The following ANO1 variants were observed in gnomAD, a reference collection of about 807,000 sequenced individuals.
The protein encoded by ANO1 is anoctamin-1.
Under a neutral mutation model 124.0 loss-of-function variants are expected in ANO1, and 59 were observed. The observed-to-expected ratio is 0.48, with a 90% confidence interval of 0.39 to 0.59. The LOEUF (loss-of-function observed/expected upper bound fraction) is 0.59, where lower values mean the gene tolerates loss of function less well. Ranked by LOEUF, ANO1 falls within the 20% of genes least tolerant of loss-of-function variation. The pLI, the probability that ANO1 is intolerant of heterozygous loss-of-function variation, is 0.00. For synonymous variants in ANO1, 529 were observed against 532.0 expected, an observed-to-expected ratio of 0.99 and a Z score of 0.08; for missense variants, 1,059 against 1,328.0, an observed-to-expected ratio of 0.80 and a Z score of 3.15.
chr11:70,165,679 G>T, intron 20 of ANO1, 109 bp downstream of exon 20: 1 of 844,808 alleles, frequency 1.2e-6, no homozygotes, highest in East Asian at 2.7e-5. Flanking sequence ...CCAAGATGGG[G>T]GCACTAGAAG....
chr11:70,185,736 G>A, intron 25 of ANO1, 41 bp downstream of exon 25: 1 of 1,590,792 alleles, frequency 6.3e-7, no homozygotes, highest in South Asian at 1.1e-5. Context: ...GAAGATGGGA[G>A]CATTTAGGGA....
chr11:70,146,663 T>C (rs2047390536), intron 11 of ANO1, among the ~76,000 whole-genome samples: 1 of 152,136 alleles, frequency 6.6e-6, no homozygotes, highest in Non-Finnish European at 1.5e-5. Context: ...GGGAAATCAG[T>C]AGTGGATCAG....
At chr11:70,010,369 T>C (rs1389392960) in intron 1 of ANO1, among the ~76,000 whole-genome samples, 1 of 151,608 alleles carries the variant, frequency 6.6e-6, no homozygotes, top group Non-Finnish European at 1.5e-5. Context: ...GTACTGGCTC[T>C]TTTTAACAAC....
intron 24 of ANO1, among the ~76,000 whole-genome samples, chr11:70,184,853 C>T (rs868472600): frequency 5.3e-5 from 8 of 152,126 alleles, no homozygotes; most frequent in African/African-American, 1.9e-4. Context: ...CTCAGGTGAT[C>T]CTCCCACCTC....
In ANO1 at chr11:70,007,609, T is replaced by C. The variant is rs142943816; in HGVS notation, c.58+21443T>C. On this transcript the variant is annotated intron_variant, in intron 1 of 27. Coordinates refer to the ANO1 transcript ENST00000531349. Reference sequence around the variant, plus strand: ...CCTTTCTTTTTAAGGCTTAACAATATCTCATTGTATGGTAGACCACATTTT... The same window carrying C: ...CCTTTCTTTTTAAGGCTTAACAATACCTCATTGTATGGTAGACCACATTTT... Among the ~76,000 whole-genome samples the C allele has an allele frequency of 7.6e-4, 116 of 152,246 alleles. 1 individual carries two copies. In the East Asian group the frequency reaches 0.021, roughly 27 times the overall value.
chr11:70,117,241 T>C (rs575939692), intron 8 of ANO1, among the ~76,000 whole-genome samples: 1 of 152,006 alleles, frequency 6.6e-6, no homozygotes, highest in Non-Finnish European at 1.5e-5. Flanking sequence ...CAGATGATTT[T>C]TGTATTTTTA....
chr11:70,071,511 C>A (rs1374119180), intron 1 of ANO1, among the ~76,000 whole-genome samples: 1 of 152,188 alleles, frequency 6.6e-6, no homozygotes, highest in Non-Finnish European at 1.5e-5. Context: ...ACTTTGAGCC[C>A]TAGAAACGTG....
intron 1 of ANO1, among the ~76,000 whole-genome samples, chr11:70,062,868 A>G (rs1857623043): frequency 6.6e-6 from 1 of 152,220 alleles, no homozygotes; most frequent in African/African-American, 2.4e-5. Flanking sequence ...TCCCTGGGGC[A>G]CGAAACTGCC....
At chr11:70,112,013 A>G (rs2045803072) in intron 7 of ANO1, among the ~76,000 whole-genome samples, 2 of 152,104 alleles carry the variant, frequency 1.3e-5, no homozygotes, top group African/African-American at 4.8e-5. Flanking sequence ...TCCTGCCTCG[A>G]CTTCCTCTGA....
At chr11:70,132,276 G>A (rs905358695) in intron 11 of ANO1, among the ~76,000 whole-genome samples, 197 bp downstream of exon 11, 13 of 152,142 alleles carry the variant, frequency 8.5e-5, no homozygotes, top group Non-Finnish European at 1.8e-4. Flanking sequence ...GAGAGACACG[G>A]GTTCTCCTGA....
At chr11:70,130,655 C>T (rs1201649901) in intron 10 of ANO1, among the ~76,000 whole-genome samples, 2 of 152,214 alleles carry the variant, frequency 1.3e-5, no homozygotes, top group Non-Finnish European at 2.9e-5. Context: ...AGAGATGAGT[C>T]TCAGGCATCA....
intron 19 of ANO1, among the ~76,000 whole-genome samples, chr11:70,164,495 A>T (rs1024169146): frequency 1.3e-5 from 2 of 152,202 alleles, no homozygotes; most frequent in African/African-American, 4.8e-5. Context: ...CCGGGTCAGA[A>T]AGTCATATAA....
At chr11:70,019,445 G>A (rs1856762649) in intron 1 of ANO1, among the ~76,000 whole-genome samples, 3 of 152,172 alleles carry the variant, frequency 2.0e-5, no homozygotes. Context: ...TCGAGAGGGT[G>A]CCGCAGGAAA....
intron 1 of ANO1, among the ~76,000 whole-genome samples, chr11:69,987,821 A>G (rs1196198636): frequency 6.6e-6 from 1 of 152,136 alleles, no homozygotes; most frequent in East Asian, 1.9e-4. Flanking sequence ...GGCATGGGTC[A>G]TGTCTCAGAT....
intron 2 of ANO1, among the ~76,000 whole-genome samples, chr11:70,089,168 G>T (rs1590697389): frequency 6.6e-6 from 1 of 152,282 alleles, no homozygotes; most frequent in South Asian, 2.1e-4. Flanking sequence ...AGCCATCACT[G>T]TGCGGATTAC....
At chr11:70,057,877 C>A (rs1857477259) in intron 1 of ANO1, among the ~76,000 whole-genome samples, 1 of 152,018 alleles carries the variant, frequency 6.6e-6, no homozygotes, top group South Asian at 2.1e-4. Flanking sequence ...CAAAACAAAA[C>A]AAAACAAAAT....
At chr11:69,999,269 G>T (rs1554998847) in intron 1 of ANO1, among the ~76,000 whole-genome samples, 4 of 152,010 alleles carry the variant, frequency 2.6e-5, no homozygotes, top group Non-Finnish European at 4.4e-5. Context: ...CAGCATGGAG[G>T]TGCCACACAC....
intron 1 of ANO1, among the ~76,000 whole-genome samples, chr11:70,069,479 A>C (rs1277005673): frequency 6.6e-6 from 1 of 152,216 alleles, no homozygotes; most frequent in Admixed American, 6.5e-5. Flanking sequence ...TCCCCAAGCT[A>C]AACAGATTTG....
At chr11:69,979,117 C>T in the ANO1 span, among the ~76,000 whole-genome samples, 1 of 152,194 alleles carries the variant, frequency 6.6e-6, no homozygotes, top group African/African-American at 2.4e-5. Flanking sequence ...CTCCCTTGAG[C>T]CTTTCACCTG....
Sources: gnomAD v4.1 joint callset for allele counts (sites outside exome capture counted in the v4.1 genomes callset) on GRCh38, gnomAD v4.1.1 for gene constraint, MANE v1.5 for transcripts, NCBI Gene and HGNC (gene_info 2026-07-23, HGNC 2026-07-21) for gene names.